The following HSDL2 variants were observed in gnomAD, a reference collection of about 807,000 sequenced individuals.
The protein encoded by HSDL2 is hydroxysteroid dehydrogenase-like protein 2.
A neutral mutation model predicts 46.3 loss-of-function variants in HSDL2; 27 were observed. The observed-to-expected ratio is 0.58, with a 90% CI of 0.43 to 0.80. The LOEUF (loss-of-function observed/expected upper bound fraction) is 0.80, where lower values mean the gene tolerates loss of function less well. Ranked by LOEUF, HSDL2 falls within the 30% of genes least tolerant of loss-of-function variation. The probability of loss-of-function intolerance (pLI) is 0.00; values close to 1 mark genes in which losing one functional copy is unlikely to be tolerated. For synonymous variants in HSDL2, 153 were observed against 163.6 expected (o/e 0.94, Z 0.50); for missense variants, 451 against 502.7 (o/e 0.90, Z 0.98).
chr9:112,402,184 TC>T (rs765686528), intron 1 of HSDL2, among the ~76,000 whole-genome samples: 1 of 152,340 alleles, frequency 6.6e-6, no homozygotes, highest in Non-Finnish European at 1.5e-5. Context: ...AAAGCGGGTT[TC>T]CCTTGCTGTT....
At chr9:112,453,653 A>G (rs1316029982) in intron 8 of HSDL2, among the ~76,000 whole-genome samples, 8 of 152,196 alleles carry the variant, frequency 5.3e-5, no homozygotes, top group Admixed American at 2.0e-4. Flanking sequence ...TTGGCCTCCC[A>G]AAGTGCTGGA....
At chr9:112,457,824 C>A (rs2132700845) in intron 9 of HSDL2, among the ~76,000 whole-genome samples, 1 of 152,326 alleles carries the variant, frequency 6.6e-6, no homozygotes, top group South Asian at 2.1e-4. Flanking sequence ...AATGTACCCA[C>A]TTTTCTCCAT....
intron 1 of HSDL2, among the ~76,000 whole-genome samples, chr9:112,398,322 A>T (rs141188251): frequency 6.6e-6 from 1 of 151,870 alleles, no homozygotes; most frequent in Non-Finnish European, 1.5e-5. Context: ...ATTACAGGTA[A>T]ATTGTAGTTT....
chr9:112,450,834 T>A (rs1432989039), intron 8 of HSDL2, among the ~76,000 whole-genome samples: 1 of 152,140 alleles, frequency 6.6e-6, no homozygotes, highest in Non-Finnish European at 1.5e-5. Flanking sequence ...TTTATATATA[T>A]TATGTTTAAT....
chr9:112,381,088 T>TACACACACACACACACACAC (rs111459650), intron 1 of HSDL2, among the ~76,000 whole-genome samples: 2,387 of 134,174 alleles, frequency 0.018, 28 homozygotes, highest in South Asian at 0.027. Flanking sequence ...TACATCCGGA[T>TACACACACACACACACACAC]ACACACACAC....
At chr9:112,422,420 TATA>T (rs1832146194) in intron 6 of HSDL2, among the ~76,000 whole-genome samples, 1 of 152,150 alleles carries the variant, frequency 6.6e-6, no homozygotes, top group Non-Finnish European at 1.5e-5. Flanking sequence ...GAGATTGAAA[TATA>T]ATATGAAAAA....
intron 4 of HSDL2, among the ~76,000 whole-genome samples, chr9:112,413,284 G>C (rs1831918159): frequency 1.3e-5 from 2 of 151,958 alleles, no homozygotes; most frequent in African/African-American, 4.8e-5. Flanking sequence ...TTTGAGACCA[G>C]CCCGACGAAC....
intron 8 of HSDL2, among the ~76,000 whole-genome samples, chr9:112,451,853 T>C (rs1465611042): frequency 2.6e-5 from 4 of 152,118 alleles, no homozygotes; most frequent in Admixed American, 1.3e-4. Flanking sequence ...AACTAATATA[T>C]GGTGTTAGCA....
intron 6 of HSDL2, among the ~76,000 whole-genome samples, chr9:112,422,073 A>C (rs995525730): frequency 6.6e-6 from 1 of 152,204 alleles, no homozygotes; most frequent in Non-Finnish European, 1.5e-5. Flanking sequence ...TGAGGAGTGG[A>C]AGTGAGGAGA....
At chr9:112,464,416 T>C (rs891129972) in intron 10 of HSDL2, among the ~76,000 whole-genome samples, 82 of 152,230 alleles carry the variant, frequency 5.4e-4, no homozygotes, top group African/African-American at 2.0e-3. Flanking sequence ...AGTTGTTTTG[T>C]TTTGATCAAG....
chr9:112,420,135 G>A (rs963778117), intron 6 of HSDL2, among the ~76,000 whole-genome samples: 1 of 152,120 alleles, frequency 6.6e-6, no homozygotes, highest in Non-Finnish European at 1.5e-5. Flanking sequence ...GAGGCCAGGA[G>A]TTTGAGACAA....
chr9:112,461,699 A>AT (rs1554715944), intron 10 of HSDL2, among the ~76,000 whole-genome samples: 1 of 152,232 alleles, frequency 6.6e-6, no homozygotes, highest in Non-Finnish European at 1.5e-5. Context: ...TTGAAGAATT[A>AT]AATAATAAGC....
intron 8 of HSDL2, among the ~76,000 whole-genome samples, chr9:112,447,879 T>C (rs1564128178): frequency 1.3e-5 from 2 of 152,182 alleles, no homozygotes; most frequent in East Asian, 3.8e-4. Flanking sequence ...AAAATTAACT[T>C]TTGTATGTTC....
intron 1 of HSDL2, among the ~76,000 whole-genome samples, chr9:112,401,210 C>T (rs1406216239): frequency 6.6e-6 from 1 of 151,670 alleles, no homozygotes; most frequent in African/African-American, 2.4e-5. Flanking sequence ...GCTAATAATC[C>T]CAGCACTTTG....
chr9:112,389,279 C>A (rs1307158091), intron 1 of HSDL2, among the ~76,000 whole-genome samples: 1 of 152,160 alleles, frequency 6.6e-6, no homozygotes, highest in East Asian at 1.9e-4. Context: ...GTCTTGGTCT[C>A]CCAAATTGCT....
At chr9:112,465,741 T>C (rs1048020452) in intron 10 of HSDL2, among the ~76,000 whole-genome samples, 1 of 152,250 alleles carries the variant, frequency 6.6e-6, no homozygotes, top group Non-Finnish European at 1.5e-5. Context: ...ACCTCATTTC[T>C]TTTTCTGGCT....
At chr9:112,465,481 T>C (rs1372868107) in intron 10 of HSDL2, among the ~76,000 whole-genome samples, 6 of 152,200 alleles carry the variant, frequency 3.9e-5, no homozygotes, top group Non-Finnish European at 8.8e-5. Flanking sequence ...ATATTCACAG[T>C]GCTGTGCAAC....
Position 112,397,482 on chromosome 9 carries a change from C to T in HSDL2, c.18-6513C>T, listed in dbSNP as rs565001883. Among the ~76,000 whole-genome samples, 1,520 of 152,272 alleles carry T rather than the reference C, an allele frequency of 1.0e-2. 16 individuals are homozygous for T. The highest frequency in any genetic ancestry group is 0.028 in the African/African-American group (1,171 of 41,542). Reference sequence around the variant, plus strand: ...CAAAAAATCAGGATATAATTCATTGCGACCCTGTTTAACAGTAGTAAAAGA... The same window carrying T: ...CAAAAAATCAGGATATAATTCATTGTGACCCTGTTTAACAGTAGTAAAAGA... On this transcript the variant is annotated intron_variant, in intron 1 of 10. Coordinates refer to ENST00000398805, the MANE Select transcript of HSDL2 (RefSeq NM_032303.5).
At chr9:112,460,618 G>A (rs1307736305) in intron 10 of HSDL2, among the ~76,000 whole-genome samples, 1 of 152,046 alleles carries the variant, frequency 6.6e-6, no homozygotes, top group Non-Finnish European at 1.5e-5. Flanking sequence ...GTGTGCTGGT[G>A]CGCACCTGTA....
Sources: gnomAD v4.1 joint callset for allele counts (sites outside exome capture counted in the v4.1 genomes callset) on GRCh38, gnomAD v4.1.1 for gene constraint, MANE v1.5 for transcripts, NCBI Gene and HGNC (gene_info 2026-07-23, HGNC 2026-07-21) for gene names.